RADIL: variants seen among roughly 807,000 people sequenced by gnomAD.
The protein encoded by RADIL is ras-associating and dilute domain-containing protein.
Under a neutral mutation model 97.6 loss-of-function variants are expected in RADIL, and 99 were observed. That is an observed-to-expected ratio of 1.01 (90% CI 0.86 to 1.20). The LOEUF (loss-of-function observed/expected upper bound fraction) is 1.20, where lower values mean the gene tolerates loss of function less well. Among genes scored for constraint, RADIL ranks in the 50% most tolerant of loss-of-function variants. The probability of loss-of-function intolerance (pLI) is 0.00; values close to 1 mark genes in which losing one functional copy is unlikely to be tolerated. For missense variants in RADIL, 1,765 were observed against 1,498.9 expected, an observed-to-expected ratio of 1.18 and a Z score of -2.93; for synonymous variants, 803 against 691.8, an observed-to-expected ratio of 1.16 and a Z score of -2.52.
chr7:4,800,183 C>T lies in RADIL; in HGVS notation c.2970G>A (p.Leu990=), dbSNP rs1782034189. 1 of 1,608,774 alleles carries T rather than the reference C, an allele frequency of 6.2e-7. No individual in the cohort carries two copies. The part of the protein sequence containing the change: ...ERGPSGLGMG[L]IDGMHTHLGA... ...CTGGGCCACTCACCATCCCGTCGAT[C>T]AGGCCCATCCCCAGCCCGGAGGGGC... Residue 990 remains leucine, a synonymous_variant, in exon 13 of 15, where the codon CTG becomes CTA. Coordinates refer to ENST00000399583, the MANE Select transcript of RADIL (RefSeq NM_018059.5).
intron 2 of RADIL, chr7:4,859,649 AC>A (rs1783923942): frequency 4.2e-6 from 2 of 478,760 alleles, no homozygotes; most frequent in East Asian, 7.4e-5. Flanking sequence ...TTGTTCATGG[AC>A]CCTTGAGGTT....
rs965991916 is a variant in RADIL at position 4,797,587 on chromosome 7, G to A, written c.*1791C>T. The A allele has an allele frequency of 2.6e-5, 4 of 152,212 alleles. No individual in the cohort carries two copies. The highest frequency in any genetic ancestry group is 9.7e-5 in the African/African-American group (4 of 41,424). 9.4% of individuals were successfully genotyped at this position (152,212 alleles called of 1,614,324 possible). A position where few individuals can be genotyped will look rare whatever the true frequency, so the allele number is the denominator to read the frequency against. On this transcript the variant is annotated 3_prime_UTR_variant, in exon 15 of 15. Coordinates refer to ENST00000399583, the MANE Select transcript of RADIL (RefSeq NM_018059.5). ...CGTTAAGGCATCAAATCAGAGTCCA[G>A]GATCCTGGGATCTGCACCAGGTCCA...
chr7:4,808,522 G>T, intron 9 of RADIL: 1 of 946,880 alleles, frequency 1.1e-6, no homozygotes. Flanking sequence ...GTTTTTAAAG[G>T]GTTTGAGAAA....
At chr7:4,816,172 C>T in intron 8 of RADIL, 56 bp downstream of exon 8, 2 of 1,515,132 alleles carry the variant, frequency 1.3e-6, no homozygotes, top group Middle Eastern at 1.7e-4. Flanking sequence ...GCGCCAGCAG[C>T]CGTCATGTCC....
In RADIL at chr7:4,817,356, C is replaced by G. The variant is rs768536839; in HGVS notation, c.1616-5G>C. 1.2e-6 allele frequency: 2 copies of G among 1,609,140 alleles called. No homozygotes were observed. Among genetic ancestry groups the G allele is most frequent in the Non-Finnish European group, 1.7e-6 (2 of 1,178,374 alleles). ...AGAACAGCGATTCCTTCGAGCCTGC[C>G]GGGAGACAGCCACGCCAATGGTCAC... On this transcript the variant is annotated splice_polypyrimidine_tract_variant and splice_region_variant and intron_variant, in intron 6 of 14. Transcript: ENST00000399583. The surrounding 1 kb of genome is among the most constrained non-coding windows in gnomAD (Gnocchi z 8.3).
chr7:4,801,053 CAT>C (rs542064183), intron 12 of RADIL, among the ~76,000 whole-genome samples: 12 of 152,234 alleles, frequency 7.9e-5, no homozygotes, highest in South Asian at 2.1e-4. Context: ...GCCATGCACA[CAT>C]GTGCAAGCAT....
At chr7:4,805,164 C>T (rs995534718) in intron 10 of RADIL, 3 of 202,560 alleles carry the variant, frequency 1.5e-5, no homozygotes, top group Non-Finnish European at 2.0e-5. Context: ...CAGACCCCTC[C>T]GTATGGACAT....
chr7:4,812,530 T>C (rs1793745565), intron 9 of RADIL, among the ~76,000 whole-genome samples: 1 of 152,182 alleles, frequency 6.6e-6, no homozygotes, highest in African/African-American at 2.4e-5. Flanking sequence ...CAAGGGATTC[T>C]CCTGCCTCAG....
rs549339495 is a variant in RADIL at position 4,800,155 on chromosome 7, G to A, written c.2982+16C>T. 9 of 1,589,846 alleles carry A rather than the reference G, an allele frequency of 5.7e-6. No individual in the cohort carries two copies. Among genetic ancestry groups the A allele is most frequent in the African/African-American group, 1.3e-5 (1 of 74,638 alleles). On this transcript the variant is annotated intron_variant, in intron 13 of 14. Transcript: ENST00000399583. ...CAGCCAGTATGGGGGTGCGGCGAGGGTCCTGGGCCACTCACCATCCCGTCG... is the reference window on the plus strand; with the variant it reads ...CAGCCAGTATGGGGGTGCGGCGAGGATCCTGGGCCACTCACCATCCCGTCG...
At chr7:4,845,798 T>C (rs1783552208) in intron 2 of RADIL, among the ~76,000 whole-genome samples, 1 of 152,056 alleles carries the variant, frequency 6.6e-6, no homozygotes, top group Non-Finnish European at 1.5e-5. Flanking sequence ...ATTAAGATAA[T>C]GGGTAACTGA....
rs1783658431 is a variant in RADIL, at chr7:4,849,533, A to C, written c.536-12928T>G. ...AGCTTGGTTTTTGTTGCCTGGGGCA[A>C]GGTTCTGAAACATTTCAGTTCATTC... On this transcript the variant is annotated intron_variant, in intron 2 of 14. Transcript: ENST00000399583. The surrounding 1 kb of genome is among the most constrained non-coding windows in gnomAD (Gnocchi z 5.4). 6.6e-6 allele frequency among the ~76,000 whole-genome samples: 1 copy of C among 152,184 alleles called. No individual in the cohort carries two copies. The highest frequency in any genetic ancestry group is 1.5e-5 in the Non-Finnish European group (1 of 68,032).
At chr7:4,851,581 G>C (rs1783709889) in intron 2 of RADIL, among the ~76,000 whole-genome samples, 1 of 152,158 alleles carries the variant, frequency 6.6e-6, no homozygotes, top group Non-Finnish European at 1.5e-5. Flanking sequence ...TGAGGGCAGG[G>C]AGCTCACTGA....
intron 5 of RADIL, among the ~76,000 whole-genome samples, chr7:4,828,831 G>A (rs957105068): frequency 3.3e-5 from 5 of 152,210 alleles, no homozygotes; most frequent in South Asian, 2.1e-4. Context: ...CAGCACGAGC[G>A]GGCAGCTGCA....
intron 2 of RADIL, among the ~76,000 whole-genome samples, chr7:4,876,894 C>T (rs1482434050): frequency 6.6e-6 from 1 of 152,214 alleles, no homozygotes; most frequent in Non-Finnish European, 1.5e-5. Context: ...TAGGTTTTGG[C>T]CTGGGACAGA....
At chr7:4,860,999 C>A in intron 2 of RADIL, 1 of 1,614,178 alleles carries the variant, frequency 6.2e-7, no homozygotes, top group Non-Finnish European at 8.5e-7. Flanking sequence ...GAAGAATTTC[C>A]GTACAAGAGT....
At chr7:4,806,693 T>A (rs1380783726) in intron 9 of RADIL, among the ~76,000 whole-genome samples, 5 of 152,242 alleles carry the variant, frequency 3.3e-5, no homozygotes, top group Non-Finnish European at 7.3e-5. Context: ...ATAGATCTTC[T>A]AGTAGCTTCC....
intron 10 of RADIL, 200 bp downstream of exon 10, chr7:4,805,366 G>C (rs550304640): frequency 5.4e-6 from 3 of 551,940 alleles, no homozygotes; most frequent in South Asian, 1.2e-4. Flanking sequence ...TGACTCCCCC[G>C]CCGAGGAGGT....
chr7:4,855,440 A>ACCTACGAG (rs985522702), intron 2 of RADIL, among the ~76,000 whole-genome samples: 2 of 151,924 alleles, frequency 1.3e-5, no homozygotes, highest in African/African-American at 4.8e-5. Context: ...GAGGGTGAAG[A>ACCTACGAG]CCTACGAGGA....
At position 4,818,763 on chromosome 7, in the gene RADIL, C is replaced by A. The variant is rs1366857281; in HGVS notation, c.1616-1412G>T. On this transcript the variant is annotated intron_variant, in intron 6 of 14. Transcript: ENST00000399583. The surrounding 1 kb of genome is among the most constrained non-coding windows in gnomAD (Gnocchi z 7.1). ...GCCTCAGGCTGCCAGGTCTGAGAACCCAGCCCCACATCACTCCCTGGGCAG... is the reference window on the plus strand; with the variant it reads ...GCCTCAGGCTGCCAGGTCTGAGAACACAGCCCCACATCACTCCCTGGGCAG... Among the ~76,000 whole-genome samples the A allele has an allele frequency of 6.6e-6, 1 of 152,144 alleles. No individual in the cohort carries two copies. The highest frequency in any genetic ancestry group is 6.5e-5 in the Admixed American group (1 of 15,278).
Sources: allele counts gnomAD v4.1 joint callset (sites outside exome capture counted in the v4.1 genomes callset), GRCh38; gene constraint gnomAD v4.1.1; non-coding constraint Gnocchi (gnomAD v3.1); transcripts MANE v1.5; gene names NCBI Gene and HGNC (gene_info 2026-07-23, HGNC 2026-07-21).